The following EGFLAM variants were observed in gnomAD, a reference collection of about 807,000 sequenced individuals.
The protein encoded by EGFLAM is pikachurin.
A neutral mutation model predicts 113.1 loss-of-function variants in EGFLAM; 79 were observed. The observed-to-expected ratio is 0.70, with a 90% CI of 0.58 to 0.84. EGFLAM has a LOEUF of 0.84. Ranked by LOEUF, EGFLAM falls within the 40% of genes least tolerant of loss-of-function variation. The pLI is 0.00. For missense variants in EGFLAM, 1,265 were observed against 1,291.6 expected (o/e 0.98, Z 0.32); for synonymous variants, 504 against 487.6 (o/e 1.03, Z -0.44).
intron 1 of EGFLAM, among the ~76,000 whole-genome samples, chr5:38,290,341 C>G (rs1758290447): frequency 6.6e-6 from 1 of 152,184 alleles, no homozygotes; most frequent in Non-Finnish European, 1.5e-5. Context: ...TCCACCTGCC[C>G]TGCCACAGTA....
intron 5 of EGFLAM, among the ~76,000 whole-genome samples, chr5:38,367,807 T>G (rs925734085): frequency 6.6e-6 from 1 of 152,304 alleles, no homozygotes. Context: ...CTGAAGAGAC[T>G]CTAAAAACAC....
chr5:38,403,647 C>T, intron 6 of EGFLAM: 1 of 861,594 alleles, frequency 1.2e-6, no homozygotes, highest in Non-Finnish European at 1.7e-6. Context: ...GGGCAGTGTG[C>T]TATTTCATCG....
intron 1 of EGFLAM, among the ~76,000 whole-genome samples, chr5:38,304,758 C>T (rs1314242923): frequency 6.6e-6 from 1 of 152,096 alleles, no homozygotes; most frequent in Non-Finnish European, 1.5e-5. Flanking sequence ...TAAAAGCCAA[C>T]ACCAGAAAGT....
At chr5:38,461,998 T>C (rs1743293302) in intron 20 of EGFLAM, among the ~76,000 whole-genome samples, 1 of 151,856 alleles carries the variant, frequency 6.6e-6, no homozygotes, top group Non-Finnish European at 1.5e-5. Flanking sequence ...ACCCCGTCTC[T>C]ACTAAAAAAA....
At chr5:38,336,737 C>G (rs1013835121) in intron 1 of EGFLAM, among the ~76,000 whole-genome samples, 5 of 151,964 alleles carry the variant, frequency 3.3e-5, no homozygotes, top group African/African-American at 1.2e-4. Context: ...TTGAGATGCT[C>G]AACAGCTAAG....
At chr5:38,445,718 C>T in intron 17 of EGFLAM, 9 of 1,597,960 alleles carry the variant, frequency 5.6e-6, no homozygotes, top group Non-Finnish European at 7.6e-6. Flanking sequence ...TACAGTAAGT[C>T]CTGTGAGAAA....
At chr5:38,274,895 T>C (rs1012777463) in intron 1 of EGFLAM, among the ~76,000 whole-genome samples, 1 of 152,314 alleles carries the variant, frequency 6.6e-6, no homozygotes, top group Admixed American at 6.5e-5. Context: ...CTACAATCAT[T>C]TGTTAAGGGA....
chr5:38,423,817 G>A (rs1048568710), intron 12 of EGFLAM, among the ~76,000 whole-genome samples: 2 of 152,224 alleles, frequency 1.3e-5, no homozygotes, highest in African/African-American at 4.8e-5. Flanking sequence ...AGCAGTCCCT[G>A]AAGTCAGTCT....
chr5:38,279,660 A>G (rs1561260762), intron 1 of EGFLAM, among the ~76,000 whole-genome samples: 3 of 152,174 alleles, frequency 2.0e-5, no homozygotes, highest in South Asian at 2.1e-4. Flanking sequence ...TGTGGAGTCT[A>G]AAAAAGTTGA....
At chr5:38,336,755 C>A (rs1204335614) in intron 1 of EGFLAM, among the ~76,000 whole-genome samples, 1 of 151,844 alleles carries the variant, frequency 6.6e-6, no homozygotes. Context: ...AAGTATATTG[C>A]AAATATTCCA....
chr5:38,331,423 C>T (rs1210957100), intron 1 of EGFLAM, among the ~76,000 whole-genome samples: 1 of 152,194 alleles, frequency 6.6e-6, no homozygotes, highest in Non-Finnish European at 1.5e-5. Context: ...CTCCTAATAC[C>T]TGGCAACCAC....
chr5:38,463,690 G>A (rs1402524328), intron 21 of EGFLAM, 142 bp from the exon 22 acceptor site: 2 of 909,718 alleles, frequency 2.2e-6, no homozygotes, highest in Non-Finnish European at 3.4e-6. Context: ...AGCAGCTCAA[G>A]GGGCCCACAG....
intron 1 of EGFLAM, among the ~76,000 whole-genome samples, chr5:38,262,310 G>C (rs528563091): frequency 6.6e-6 from 1 of 152,174 alleles, no homozygotes; most frequent in Non-Finnish European, 1.5e-5. Flanking sequence ...CTTAATTCCC[G>C]CAGGCATATT....
At chr5:38,401,783 G>A (rs889258291) in intron 6 of EGFLAM, 6 of 152,232 alleles carry the variant, frequency 3.9e-5, no homozygotes, top group African/African-American at 1.4e-4. Flanking sequence ...GTAAACACAA[G>A]GGCAAGAGTC....
chr5:38,323,780 G>A (rs1738801204), intron 1 of EGFLAM, among the ~76,000 whole-genome samples: 1 of 152,022 alleles, frequency 6.6e-6, no homozygotes, highest in South Asian at 2.1e-4. Flanking sequence ...CAGGCACAGT[G>A]GCTCATGTCT....
intron 4 of EGFLAM, among the ~76,000 whole-genome samples, chr5:38,351,103 G>A (rs1739610322): frequency 1.3e-5 from 2 of 150,986 alleles, no homozygotes; most frequent in Non-Finnish European, 3.0e-5. Flanking sequence ...AGTGACAGCA[G>A]CACTTCTTTT....
chr5:38,309,255 C>A (rs1303224110), intron 1 of EGFLAM, among the ~76,000 whole-genome samples: 1 of 152,178 alleles, frequency 6.6e-6, no homozygotes, highest in Non-Finnish European at 1.5e-5. Context: ...ATTGATACTA[C>A]AATGGTAACT....
intron 1 of EGFLAM, among the ~76,000 whole-genome samples, chr5:38,278,341 AT>A (rs1437521220): frequency 2.0e-5 from 3 of 152,228 alleles, no homozygotes; most frequent in Non-Finnish European, 4.4e-5. Flanking sequence ...GGACATCCAC[AT>A]GCAGAAGAAT....
intron 4 of EGFLAM, among the ~76,000 whole-genome samples, chr5:38,350,902 G>A (rs938245602): frequency 2.0e-5 from 3 of 152,162 alleles, no homozygotes; most frequent in African/African-American, 7.2e-5. Flanking sequence ...ATGACAACTA[G>A]TGGAGATCCT....
Sources: allele counts gnomAD v4.1 joint callset (sites outside exome capture counted in the v4.1 genomes callset), GRCh38; gene constraint gnomAD v4.1.1; transcripts MANE v1.5; gene names NCBI Gene and HGNC (gene_info 2026-07-23, HGNC 2026-07-21).